The following AMOTL1 variants were observed in gnomAD, a reference collection of about 807,000 sequenced individuals.
The protein encoded by AMOTL1 is angiomotin-like protein 1.
AMOTL1 carries 45 observed loss-of-function variants against 102.9 expected under a neutral mutation model. The observed-to-expected ratio is 0.44, with a 90% confidence interval of 0.34 to 0.56. The LOEUF is 0.56. Among genes scored for constraint, AMOTL1 ranks in the 20% least tolerant of loss-of-function variants. AMOTL1 has a pLI of 0.01. For missense variants in AMOTL1, 1,114 were observed against 1,225.6 expected, an observed-to-expected ratio of 0.91 and a Z score of 1.36; for synonymous variants, 481 against 484.7, an observed-to-expected ratio of 0.99 and a Z score of 0.10.
intron 1 of AMOTL1, among the ~76,000 whole-genome samples, chr11:94,723,764 AT>A (rs59773120): frequency 0.017 from 2,639 of 151,524 alleles, 76 homozygotes; most frequent in African/African-American, 0.06. Flanking sequence ...GTAAAAAGGT[AT>A]TTTTTTTTCT....
In AMOTL1 at chr11:94,716,969, T is replaced by C. The variant is rs555569927; in HGVS notation, c.-51+10372T>C. 4.6e-5 allele frequency among the ~76,000 whole-genome samples: 7 copies of C among 152,230 alleles called. No homozygotes were observed. The South Asian group carries it at 1.5e-3, about 32-fold the overall frequency. On this transcript the variant is annotated intron_variant, in intron 1 of 4. Coordinates refer to the AMOTL1 transcript ENST00000299004. The stretch of plus-strand genomic sequence containing the variant: ...GATTATTTCTCTGGTAGGACTCTTC[T>C]GGGCTTACCCTTTCCCTGCCTCTGG...
At chr11:94,868,244 T>C (rs1952921555) in intron 11 of AMOTL1, among the ~76,000 whole-genome samples, 1 of 152,246 alleles carries the variant, frequency 6.6e-6, no homozygotes, top group African/African-American at 2.4e-5. Flanking sequence ...CTGGCGAGGA[T>C]ACTTTATGAA....
Position 94,799,583 on chromosome 11 carries a change from A to G in AMOTL1, c.393A>G (p.Pro131=). ...ACCAGGCCACAGGGAGTGCAGGACC[A>G]GCCCATCCTACAAACAACTTTTCTT... ...IQHQATGSAG[P]AHPTNNFSST... is the part of the protein sequence containing the mutation. Residue 131 remains proline (P), a synonymous_variant, in exon 3 of 13, where the codon CCA becomes CCG. Coordinates refer to ENST00000433060, the MANE Select transcript of AMOTL1 (RefSeq NM_130847.3). The surrounding 1 kb of genome is among the most constrained non-coding windows in gnomAD (Gnocchi z 4.5). The G allele has an allele frequency of 6.2e-7, 1 of 1,613,912 alleles. No individual in the cohort carries two copies. The highest frequency in any genetic ancestry group is 8.5e-7 in the Non-Finnish European group (1 of 1,179,864).
chr11:94,845,909 A>G (rs1363994884), intron 6 of AMOTL1, among the ~76,000 whole-genome samples: 2 of 152,168 alleles, frequency 1.3e-5, no homozygotes, highest in Admixed American at 1.3e-4. Flanking sequence ...CTGTTCTAGG[A>G]ATTCTCAGTA....
At chr11:94,801,433 G>A (rs4753624) in intron 3 of AMOTL1, among the ~76,000 whole-genome samples, 36,391 of 151,956 alleles carry the variant, frequency 0.24, 4,925 homozygotes, top group East Asian at 0.46. Flanking sequence ...TCTGGGTGTC[G>A]TATTAAGGAG....
intron 1 of AMOTL1, among the ~76,000 whole-genome samples, chr11:94,706,979 AT>A (rs1243955957): frequency 6.6e-6 from 1 of 152,076 alleles, no homozygotes; most frequent in Middle Eastern, 3.2e-3. Flanking sequence ...GCTGATTCTT[AT>A]AAAATATGTG....
chr11:94,710,029 A>G (rs535460116), intron 1 of AMOTL1, among the ~76,000 whole-genome samples: 32 of 152,188 alleles, frequency 2.1e-4, no homozygotes, highest in Non-Finnish European at 3.5e-4. Context: ...ATCAGGGAAA[A>G]AACATTTCTC....
chr11:94,776,418 T>A (rs1187019606), intron 1 of AMOTL1, among the ~76,000 whole-genome samples: 3 of 152,228 alleles, frequency 2.0e-5, no homozygotes, highest in Admixed American at 2.0e-4. Context: ...TGATAGCCAC[T>A]CACATAACAG....
intron 1 of AMOTL1, among the ~76,000 whole-genome samples, chr11:94,707,244 C>CTGTG (rs1224329236): frequency 0.012 from 649 of 55,416 alleles, 5 homozygotes; most frequent in East Asian, 0.051. Context: ...CTCTCTCTCT[C>CTGTG]TCTCTCTGTG....
At chr11:94,764,990 T>C (rs997060815), upstream of AMOTL1, among the ~76,000 whole-genome samples, 1 of 152,218 alleles carries the variant, frequency 6.6e-6, no homozygotes, top group African/African-American at 2.4e-5. Context: ...AAGGCCCTGC[T>C]CATTCTCCTC....
chr11:94,786,874 G>A (rs1476424152), intron 1 of AMOTL1, among the ~76,000 whole-genome samples: 2 of 152,190 alleles, frequency 1.3e-5, no homozygotes, highest in African/African-American at 4.8e-5. Context: ...TAATGTATTT[G>A]TTGAGTCCAC....
At position 94,866,225 on chromosome 11, in the gene AMOTL1, C is replaced by G. The variant is rs1952880922; in HGVS notation, c.2488+57C>G. 6 of 1,536,386 alleles carry G rather than the reference C, an allele frequency of 3.9e-6. No individual in the cohort carries two copies. In the Admixed American group the frequency reaches 1.0e-4, roughly 27 times the overall value. On this transcript the variant is annotated intron_variant, in intron 11 of 12. Coordinates refer to ENST00000433060, the MANE Select transcript of AMOTL1 (RefSeq NM_130847.3). Reference sequence around the variant, plus strand: ...GGAAAAGCAAGACCAGACAGCTTCTCTGCCACTCATGGGACACGGAAATGT... The same window carrying G: ...GGAAAAGCAAGACCAGACAGCTTCTGTGCCACTCATGGGACACGGAAATGT...
intron 4 of AMOTL1, among the ~76,000 whole-genome samples, chr11:94,827,696 C>T (rs1281240451): frequency 2.0e-5 from 3 of 152,142 alleles, no homozygotes; most frequent in Non-Finnish European, 4.4e-5. Context: ...TAAGGTGGTA[C>T]CGAAGGGAAC....
intron 1 of AMOTL1, among the ~76,000 whole-genome samples, chr11:94,718,414 TTTC>T (rs1950127085): frequency 6.6e-6 from 1 of 152,076 alleles, no homozygotes; most frequent in African/African-American, 2.4e-5. Flanking sequence ...TTGTAATTGC[TTTC>T]TGTAGAATAG....
chr11:94,840,805 A>T (rs1297036961), intron 6 of AMOTL1, among the ~76,000 whole-genome samples: 9 of 151,708 alleles, frequency 5.9e-5, no homozygotes. Context: ...ACATATTTAT[A>T]TACCTATATT....
rs754567810 is a variant in AMOTL1 at position 94,871,762 on chromosome 11, C to T, written c.*967C>T. ...TCCCTGTGACATATTGCATTAAGAT[C>T]GTGGCACTTGCTTTTTTGTCTTTCA... On this transcript the variant is annotated 3_prime_UTR_variant, in exon 13 of 13. Transcript: ENST00000433060. 5.3e-5 allele frequency: 8 copies of T among 152,158 alleles called. No individual in the cohort carries two copies. The highest frequency in any genetic ancestry group is 7.4e-5 in the Non-Finnish European group (5 of 68,024). 9.4% of individuals were successfully genotyped at this position (152,158 alleles called of 1,614,324 possible).
chr11:94,728,914 A>G (rs751154065), intron 1 of AMOTL1: 139 of 1,170,894 alleles, frequency 1.2e-4, no homozygotes, highest in Non-Finnish European at 1.5e-4. Flanking sequence ...TTCATTATTT[A>G]TTTCAGGAGA....
At position 94,754,077 on chromosome 11, in the gene AMOTL1, C is replaced by T. The variant is rs12222625; in HGVS notation, c.136+13089C>T. Among the ~76,000 whole-genome samples, 34 of 152,306 alleles carry T rather than the reference C, an allele frequency of 2.2e-4. No homozygotes were observed. The East Asian group carries it at 5.8e-3, about 26-fold the overall frequency. ...TGTGATATGGGAAGGCAAATATCTACTTCATAGGGTTATTGGAAGGGGTTA... is the reference window on the plus strand; with the variant it reads ...TGTGATATGGGAAGGCAAATATCTATTTCATAGGGTTATTGGAAGGGGTTA... On this transcript the variant is annotated intron_variant, in intron 3 of 4. Transcript: ENST00000299004.
chr11:94,799,491 C>T lies in AMOTL1; in HGVS notation c.301C>T (p.Arg101Trp), dbSNP rs1412081553. The change falls in exon 3 of 13, where the codon CGG becomes TGG. Residue 101 changes from arginine to tryptophan, a missense_variant. Coordinates refer to ENST00000433060, the MANE Select transcript of AMOTL1 (RefSeq NM_130847.3). The surrounding 1 kb of genome is among the most constrained non-coding windows in gnomAD (Gnocchi z 4.5). ...EDAAAGTVLQ[R>W]LIQEQLRYGT... Reference sequence around the variant, plus strand: ...TGCGGCAGCTGGAACAGTATTGCAGCGGCTGATCCAGGAACAACTGCGGTA... The same window carrying T: ...TGCGGCAGCTGGAACAGTATTGCAGTGGCTGATCCAGGAACAACTGCGGTA... 1.2e-6 allele frequency: 2 copies of T among 1,612,094 alleles called. No individual in the cohort carries two copies. Among genetic ancestry groups the T allele is most frequent in the Admixed American group, 1.7e-5 (1 of 59,750 alleles).
Sources: gnomAD v4.1 joint callset for allele counts (sites outside exome capture counted in the v4.1 genomes callset) on GRCh38, gnomAD v4.1.1 for gene constraint, Gnocchi (gnomAD v3.1) non-coding constraint, MANE v1.5 for transcripts, NCBI Gene and HGNC (gene_info 2026-07-23, HGNC 2026-07-21) for gene names.